Variants in ADAM10 observed in about 807,000 individuals in gnomAD.
The protein encoded by ADAM10 is disintegrin and metalloproteinase domain-containing protein 10.
A neutral mutation model predicts 90.1 loss-of-function variants in ADAM10; 17 were observed. The ratio of observed to expected loss-of-function variants is 0.19; its 90% confidence interval spans 0.13 to 0.28. The LOEUF is 0.28. ADAM10 is among the 10% of genes least tolerant of loss of function. The pLI is 1.00. For missense variants in ADAM10, 610 were observed against 914.3 expected, an observed-to-expected ratio of 0.67 and a Z score of 4.29; for synonymous variants, 310 against 298.6, an observed-to-expected ratio of 1.04 and a Z score of -0.40.
intron 9 of ADAM10, among the ~76,000 whole-genome samples, chr15:58,632,888 G>C (rs151246102): frequency 2.6e-5 from 4 of 152,142 alleles, no homozygotes; most frequent in African/African-American, 4.8e-5. Context: ...TCATTCAAAA[G>C]ATATTTGAGT....
rs533835422 is a variant in ADAM10, at chr15:58,592,449, C to T, written c.*5098G>A. 1.2e-4 allele frequency: 19 copies of T among 152,260 alleles called. No homozygotes were observed. The highest frequency in any genetic ancestry group is 4.3e-4 in the African/African-American group (18 of 41,550). 9.4% of individuals were successfully genotyped at this position (152,260 alleles called of 1,614,324 possible). A position where few individuals can be genotyped will look rare whatever the true frequency, so the allele number is the denominator to read the frequency against. On this transcript the variant is annotated 3_prime_UTR_variant, in exon 16 of 16. Transcript: ENST00000260408. ...TTGCTGATGCTAAAGTTATCTCAGC[C>T]TTGGCCAGTGGTAACTTCTAAGGTG... is the stretch of plus-strand genomic sequence containing the variant.
In ADAM10 at chr15:58,593,512, G is replaced by C. The variant is rs1894875569; in HGVS notation, c.*4035C>G. ...GAGCCACCGCACCCAGCCCTGCCAG[G>C]TACCCAAATCTTACCAGTGCAAACT... On this transcript the variant is annotated 3_prime_UTR_variant, in exon 16 of 16. Transcript: ENST00000260408. The C allele has an allele frequency of 6.6e-6, 1 of 152,360 alleles. No individual in the cohort carries two copies. Among genetic ancestry groups the C allele is most frequent in the African/African-American group, 2.4e-5 (1 of 41,416 alleles). 9.4% of individuals were successfully genotyped at this position (152,360 alleles called of 1,614,324 possible).
At position 58,593,713 on chromosome 15, in the gene ADAM10, T is replaced by C. The variant is rs549534724; in HGVS notation, c.*3834A>G. The C allele has an allele frequency of 6.6e-6, 1 of 152,082 alleles. No homozygotes were observed. The highest frequency in any genetic ancestry group is 2.1e-4 in the South Asian group (1 of 4,812). 9.4% of individuals were successfully genotyped at this position (152,082 alleles called of 1,614,324 possible). A position where few individuals can be genotyped will look rare whatever the true frequency, so the allele number is the denominator to read the frequency against. On this transcript the variant is annotated 3_prime_UTR_variant, in exon 16 of 16. Transcript: ENST00000260408. ...GTAGATTTCAGGAAAAAGCAAAAAC[T>C]AATCAGTATTTTGCTCAATGCTCCG...
At chr15:58,734,108 C>T (rs1899350971) in intron 1 of ADAM10, among the ~76,000 whole-genome samples, 1 of 151,896 alleles carries the variant, frequency 6.6e-6, no homozygotes, top group Admixed American at 6.6e-5. Context: ...TAAAAGTATC[C>T]TAATTTCTTA....
rs1348664859 is a variant in ADAM10, at chr15:58,589,581, C to T, written c.*7966G>A. 1 of 152,236 alleles carries T rather than the reference C, an allele frequency of 6.6e-6. No homozygotes were observed. The highest frequency in any genetic ancestry group is 2.4e-5 in the African/African-American group (1 of 41,450). The allele number at this position is 152,236 out of a possible 1,614,324, so 9.4% of individuals were successfully genotyped here. A position where few individuals can be genotyped will look rare whatever the true frequency, so the allele number is the denominator to read the frequency against. On this transcript the variant is annotated 3_prime_UTR_variant, in exon 16 of 16. Transcript: ENST00000260408. Reference sequence around the variant, plus strand: ...GCTCCCTGAAGGCACAGACTGCAGTCCTTTGGGGGCTGTGAAAAATTGCAG... The same window carrying T: ...GCTCCCTGAAGGCACAGACTGCAGTTCTTTGGGGGCTGTGAAAAATTGCAG...
Position 58,633,484 on chromosome 15 carries a change from G to A in ADAM10, c.1013-125C>T, listed in dbSNP as rs563213915. The A allele has an allele frequency of 1.5e-5, 12 of 808,728 alleles. 1 individual carries two copies. The highest frequency in any genetic ancestry group is 5.4e-5 in the East Asian group (2 of 36,768). 50.1% of individuals were successfully genotyped at this position (808,728 alleles called of 1,614,324 possible). On this transcript the variant is annotated intron_variant, in intron 8 of 15. Transcript: ENST00000260408. The stretch of plus-strand genomic sequence containing the variant: ...TCTAAAATAGAACTGGTACTCAAAC[G>A]TATCACATATGCAAAAGTTTCTTTG...
At chr15:58,699,723 G>T (rs1336591926) in intron 2 of ADAM10, among the ~76,000 whole-genome samples, 7 of 152,180 alleles carry the variant, frequency 4.6e-5, no homozygotes, top group Admixed American at 1.3e-4. Context: ...AGTAAGCCAT[G>T]TGTGATTGCA....
At chr15:58,635,274 CA>C (rs58106236) in intron 8 of ADAM10, among the ~76,000 whole-genome samples, 2,865 of 65,938 alleles carry the variant, frequency 0.043, 36 homozygotes, top group Middle Eastern at 0.081. Context: ...GACTCTGTCT[CA>C]AAAAAAAAAA....
chr15:58,680,610 A>G (rs1193235834), intron 3 of ADAM10, among the ~76,000 whole-genome samples: 2 of 152,232 alleles, frequency 1.3e-5, no homozygotes, highest in African/African-American at 4.8e-5. Context: ...CACAACGAAA[A>G]GGTGAGCACC....
At chr15:58,677,845 T>A (rs1195093342) in intron 4 of ADAM10, among the ~76,000 whole-genome samples, 1 of 152,126 alleles carries the variant, frequency 6.6e-6, no homozygotes, top group Non-Finnish European at 1.5e-5. Context: ...ACTTGCAATA[T>A]TACAGGAGCA....
At chr15:58,600,245 C>A (rs1392313036) in intron 14 of ADAM10, among the ~76,000 whole-genome samples, 1 of 152,178 alleles carries the variant, frequency 6.6e-6, no homozygotes, top group Non-Finnish European at 1.5e-5. Flanking sequence ...TCTCCTCTTA[C>A]TCTTATAGAC....
intron 14 of ADAM10, chr15:58,610,066 A>G (rs1379938215): frequency 7.2e-6 from 4 of 553,490 alleles, no homozygotes. Context: ...GGAGCACGGT[A>G]AAACAGAATG....
intron 4 of ADAM10, among the ~76,000 whole-genome samples, chr15:58,668,318 C>A (rs1270998506): frequency 6.6e-6 from 1 of 152,118 alleles, no homozygotes. Flanking sequence ...ACAACTGACA[C>A]TTGGAATGAA....
chr15:58,684,508 T>C (rs776556472), intron 2 of ADAM10, among the ~76,000 whole-genome samples: 24 of 152,324 alleles, frequency 1.6e-4, no homozygotes, highest in Non-Finnish European at 1.3e-4. Context: ...TTAAGCTCTA[T>C]AGAAACTCTT....
chr15:58,686,426 A>G lies in ADAM10; in HGVS notation c.207-4112T>C. On this transcript the variant is annotated intron_variant, in intron 2 of 15. Transcript: ENST00000260408. ...CGCCGCCACCATGTCCTCTGGGGCT[A>G]GCGCGAGCGCCCTGCAGTGCCTGGT... 2.3e-6 allele frequency: 3 copies of G among 1,324,646 alleles called. No homozygotes were observed. The South Asian group carries it at 3.8e-5, about 17-fold the overall frequency. The allele number at this position is 1,324,646 out of a possible 1,614,324, so 82.1% of individuals were successfully genotyped here. A position where few individuals can be genotyped will look rare whatever the true frequency, so the allele number is the denominator to read the frequency against.
chr15:58,651,993 G>C (rs565009565), intron 5 of ADAM10, among the ~76,000 whole-genome samples: 3 of 152,206 alleles, frequency 2.0e-5, no homozygotes, highest in Admixed American at 2.0e-4. Flanking sequence ...ATTTCTCCAA[G>C]GATCAATGAT....
In ADAM10 at chr15:58,749,535, C is replaced by T; in HGVS notation, c.-1G>A. The T allele has an allele frequency of 6.4e-7, 1 of 1,552,456 alleles. No homozygotes were observed. Among genetic ancestry groups the T allele is most frequent in the African/African-American group, 1.4e-5 (1 of 73,118 alleles). ...GAATTAACACTCTCAGCAACACCAT[C>T]TTCCGCTGCCGCTGCCGCCGCCGCC... On this transcript the variant is annotated 5_prime_UTR_variant, in exon 1 of 16. Transcript: ENST00000260408.
rs1894915692 is a variant in ADAM10, at chr15:58,595,102, AAC to A, written c.*2443_*2444del. On this transcript the variant is annotated 3_prime_UTR_variant, in exon 16 of 16. Transcript: ENST00000260408. ...GTACTTAGCATTCAAAACTTTGAAA[AAC>A]ACATAAAAACAAGACCATAAGTTTT... 1 of 152,174 alleles carries A rather than the reference AAC, an allele frequency of 6.6e-6. No homozygotes were observed. Among genetic ancestry groups the A allele is most frequent in the South Asian group, 2.1e-4 (1 of 4,826 alleles). The allele number at this position is 152,174 out of a possible 1,614,324, so 9.4% of individuals were successfully genotyped here. A position where few individuals can be genotyped will look rare whatever the true frequency, so the allele number is the denominator to read the frequency against.
chr15:58,714,267 T>C (rs1449265206), intron 2 of ADAM10, among the ~76,000 whole-genome samples: 1 of 146,326 alleles, frequency 6.8e-6, no homozygotes, highest in African/African-American at 2.6e-5. Context: ...CCACAAAAAA[T>C]TACTTTAATA....
Sources: allele counts gnomAD v4.1 joint callset (sites outside exome capture counted in the v4.1 genomes callset), GRCh38; gene constraint gnomAD v4.1.1; transcripts MANE v1.5; gene names NCBI Gene and HGNC (gene_info 2026-07-23, HGNC 2026-07-21).